PRELID2: variants seen among roughly 807,000 people sequenced by gnomAD.
The protein encoded by PRELID2 is PRELI domain-containing protein 2.
A neutral mutation model predicts 28.4 loss-of-function variants in PRELID2; 25 were observed. The observed-to-expected ratio is 0.88, with a 90% CI of 0.64 to 1.23. PRELID2 has a LOEUF of 1.23. Ranked by LOEUF, PRELID2 falls within the 50% of genes most tolerant of loss-of-function variation. The pLI, the probability that PRELID2 is intolerant of heterozygous loss-of-function variation, is 0.00. For missense variants in PRELID2, 201 were observed against 214.4 expected (o/e 0.94, Z 0.39); for synonymous variants, 76 against 71.6 (o/e 1.06, Z -0.31).
intron 1 of PRELID2, among the ~76,000 whole-genome samples, chr5:145,642,043 C>G (rs1310126254): frequency 6.6e-6 from 1 of 152,126 alleles, no homozygotes; most frequent in African/African-American, 2.4e-5. Flanking sequence ...AATGGGATGG[C>G]TGGGTCAAAT....
At chr5:145,483,762 T>C (rs1394822617) in intron 1 of PRELID2, among the ~76,000 whole-genome samples, 3 of 152,200 alleles carry the variant, frequency 2.0e-5, no homozygotes, top group Non-Finnish European at 4.4e-5. Context: ...TGAAAACCTA[T>C]GTCCTTACCT....
intron 5 of PRELID2, among the ~76,000 whole-genome samples, chr5:145,769,190 C>T (rs570283614): frequency 2.0e-5 from 3 of 152,170 alleles, no homozygotes; most frequent in Admixed American, 6.5e-5. Flanking sequence ...GACTGACAAA[C>T]CATAAACCAG....
At chr5:145,431,134 G>T in the PRELID2 span, among the ~76,000 whole-genome samples, 1 of 150,316 alleles carries the variant, frequency 6.7e-6, no homozygotes, top group Non-Finnish European at 1.5e-5. Flanking sequence ...AATACGGTGG[G>T]AAATAGAATT....
At chr5:145,375,510 G>A in the PRELID2 span, among the ~76,000 whole-genome samples, 5 of 152,232 alleles carry the variant, frequency 3.3e-5, no homozygotes, top group Admixed American at 2.6e-4. Flanking sequence ...GGTGGAGAGG[G>A]TGTGCTTTGC....
the PRELID2 span, among the ~76,000 whole-genome samples, chr5:145,237,799 C>G: frequency 6.6e-6 from 1 of 152,014 alleles, no homozygotes; most frequent in East Asian, 1.9e-4. Flanking sequence ...ATTTTTTCTC[C>G]TTGGATGACC....
chr5:145,660,557 A>T (rs1754473490), intron 1 of PRELID2, among the ~76,000 whole-genome samples: 1 of 152,238 alleles, frequency 6.6e-6, no homozygotes, highest in African/African-American at 2.4e-5. Context: ...CAGTAACAGC[A>T]GTGCTTTCTA....
chr5:145,382,349 C>T, the PRELID2 span, among the ~76,000 whole-genome samples: 1 of 151,790 alleles, frequency 6.6e-6, no homozygotes, highest in Non-Finnish European at 1.5e-5. Flanking sequence ...AATAGTTAAT[C>T]AATTAATAGA....
chr5:145,642,237 GT>G (rs1754119516), intron 1 of PRELID2, among the ~76,000 whole-genome samples: 1 of 152,098 alleles, frequency 6.6e-6, no homozygotes, highest in South Asian at 2.1e-4. Context: ...TCTCATTGTG[GT>G]TTTGATTTGC....
At chr5:145,253,155 C>T in the PRELID2 span, among the ~76,000 whole-genome samples, 1 of 152,212 alleles carries the variant, frequency 6.6e-6, no homozygotes, top group South Asian at 2.1e-4. Flanking sequence ...GTCCAAATCT[C>T]ATTTTCTGGC....
At chr5:145,399,393 G>T in the PRELID2 span, among the ~76,000 whole-genome samples, 1 of 152,008 alleles carries the variant, frequency 6.6e-6, no homozygotes, top group Non-Finnish European at 1.5e-5. Context: ...GAAGTTCAAA[G>T]GTTCATTTCT....
At chr5:145,817,847 T>C (rs756277702) in intron 4 of PRELID2, 47 bp downstream of exon 4, 2 of 1,462,212 alleles carry the variant, frequency 1.4e-6, no homozygotes, top group South Asian at 2.9e-5. Context: ...TACTCATGTG[T>C]CCATCCCTGC....
chr5:145,791,272 C>T (rs1413533647), intron 5 of PRELID2, among the ~76,000 whole-genome samples: 1 of 152,046 alleles, frequency 6.6e-6, no homozygotes, highest in Non-Finnish European at 1.5e-5. Context: ...CCACCTGGCC[C>T]CACCTTGACA....
At chr5:145,677,077 T>TA (rs1754832574) in intron 1 of PRELID2, among the ~76,000 whole-genome samples, 2 of 151,884 alleles carry the variant, frequency 1.3e-5, no homozygotes, top group Admixed American at 6.6e-5. Flanking sequence ...TGAAAAAAAT[T>TA]AAGAAATTAT....
At chr5:145,817,421 T>TATATATATATA (rs1754428343) in intron 4 of PRELID2, among the ~76,000 whole-genome samples, 1 of 103,596 alleles carries the variant, frequency 9.7e-6, no homozygotes, top group African/African-American at 3.3e-5. Flanking sequence ...TAAGCTAGTT[T>TATATATATATA]TATATATATA....
chr5:145,590,623 C>A (rs1193766304), intron 1 of PRELID2, among the ~76,000 whole-genome samples: 1 of 152,068 alleles, frequency 6.6e-6, no homozygotes, highest in African/African-American at 2.4e-5. Context: ...GTATTAGTAC[C>A]AGTCTTACTA....
chr5:145,477,284 T>C (rs1307497466), intron 1 of PRELID2, among the ~76,000 whole-genome samples: 2 of 152,340 alleles, frequency 1.3e-5, no homozygotes, highest in East Asian at 3.9e-4. Context: ...CCCATCTCAC[T>C]GCTCTACATT....
At chr5:145,744,292 T>C (rs181317532) in intron 1 of PRELID2, among the ~76,000 whole-genome samples, 191 of 152,328 alleles carry the variant, frequency 1.3e-3, no homozygotes, top group African/African-American at 4.5e-3. Flanking sequence ...TTCTGAGGAA[T>C]CTGGGCAGAC....
the PRELID2 span, among the ~76,000 whole-genome samples, chr5:145,433,389 C>A: frequency 1.3e-5 from 2 of 152,196 alleles, no homozygotes; most frequent in African/African-American, 4.8e-5. Flanking sequence ...AGACCTGGGG[C>A]CTTGTAGATT....
chr5:145,466,860 A>T (rs961218787), downstream of PRELID2, among the ~76,000 whole-genome samples: 3 of 152,136 alleles, frequency 2.0e-5, no homozygotes, highest in Non-Finnish European at 2.9e-5. Flanking sequence ...ACAAGCATTT[A>T]TGCCTCTACC....
Sources: gnomAD v4.1 joint callset for allele counts (sites outside exome capture counted in the v4.1 genomes callset) on GRCh38, gnomAD v4.1.1 for gene constraint, MANE v1.5 for transcripts, NCBI Gene and HGNC (gene_info 2026-07-23, HGNC 2026-07-21) for gene names.